Variants in WWOX observed in about 807,000 individuals in gnomAD.
WWOX encodes WW domain containing oxidoreductase, also known as WW domain-containing oxidoreductase.
WWOX carries 69 observed loss-of-function variants against 46.2 expected under a neutral mutation model. That is an observed-to-expected ratio of 1.49 (90% confidence interval 1.23 to 1.82). The LOEUF (loss-of-function observed/expected upper bound fraction) is 1.82. Among genes scored for constraint, WWOX ranks in the 40% most tolerant of loss-of-function variants. The pLI, the probability that WWOX is intolerant of heterozygous loss-of-function variation, is 0.00. For missense variants in WWOX, 919 were observed against 542.6 expected (o/e 1.69, Z -6.89); for synonymous variants, 359 against 202.6 (o/e 1.77, Z -6.56).
chr16:79,169,956 C>T (rs543532823), intron 8 of WWOX, among the ~76,000 whole-genome samples: 1 of 152,282 alleles, frequency 6.6e-6, no homozygotes, highest in East Asian at 1.9e-4. Flanking sequence ...GCAGAACTGG[C>T]TCTGTTGACC....
intron 8 of WWOX, among the ~76,000 whole-genome samples, chr16:78,439,360 T>C (rs1422380808): frequency 1.3e-5 from 2 of 152,186 alleles, no homozygotes; most frequent in African/African-American, 4.8e-5. Context: ...TTCCTGCAGT[T>C]GTCTGTCAAC....
At chr16:78,205,719 C>G (rs2036368195) in intron 5 of WWOX, among the ~76,000 whole-genome samples, 1 of 152,084 alleles carries the variant, frequency 6.6e-6, no homozygotes, top group African/African-American at 2.4e-5. Context: ...ATCCATGCAT[C>G]CTTCCTTCGT....
chr16:78,687,237 A>G (rs979235205), intron 8 of WWOX, among the ~76,000 whole-genome samples: 3 of 152,224 alleles, frequency 2.0e-5, no homozygotes, highest in Admixed American at 6.5e-5. Context: ...TGCTTTAAGT[A>G]GATATTGGAA....
rs187765143 is a variant in WWOX, at chr16:78,695,290, C to G, written c.1056+262538C>G. On this transcript the variant is annotated intron_variant, in intron 8 of 8. Transcript: ENST00000566780. The stretch of plus-strand genomic sequence containing the variant: ...ATCACATATTTTAGGTTGTGGGGAG[C>G]AAAGCAGCTTCCCCCCACTTTTTCT... 3.8e-4 allele frequency among the ~76,000 whole-genome samples: 58 copies of G among 152,134 alleles called. 1 individual carries two copies. The highest frequency in any genetic ancestry group is 1.3e-3 in the African/African-American group (56 of 41,524).
chr16:78,817,752 C>T (rs1012174253), intron 8 of WWOX, among the ~76,000 whole-genome samples: 2 of 152,152 alleles, frequency 1.3e-5, no homozygotes, highest in Non-Finnish European at 1.5e-5. Flanking sequence ...CCAGCCCTTT[C>T]TCTTCCCCTG....
At chr16:79,000,598 A>C (rs1470002973) in intron 8 of WWOX, among the ~76,000 whole-genome samples, 3 of 152,212 alleles carry the variant, frequency 2.0e-5, no homozygotes, top group African/African-American at 4.8e-5. Flanking sequence ...AGAAGCCAGA[A>C]GAGGCAAGGA....
chr16:78,618,087 C>T (rs2046072668), intron 8 of WWOX, among the ~76,000 whole-genome samples: 1 of 152,156 alleles, frequency 6.6e-6, no homozygotes, highest in East Asian at 1.9e-4. Flanking sequence ...CCTAAGAGGC[C>T]ATGACTGTCC....
intron 8 of WWOX, among the ~76,000 whole-genome samples, chr16:78,876,368 T>G (rs1201851882): frequency 1.3e-5 from 2 of 152,108 alleles, no homozygotes; most frequent in Non-Finnish European, 2.9e-5. Flanking sequence ...TTCTCTCCTT[T>G]CCTTTTGTGA....
In WWOX at chr16:79,101,960, C is replaced by T. The variant is rs184676348; in HGVS notation, c.1057-109648C>T. 1.3e-3 allele frequency among the ~76,000 whole-genome samples: 197 copies of T among 148,968 alleles called. 2 individuals carry two copies. The highest frequency in any genetic ancestry group is 2.8e-3 in the Admixed American group (42 of 14,854). ...AGCTAAACAATTCTGGAAGAGTTAC[C>T]TGAAGTTGACACTTAATTCAAGCTG... On this transcript the variant is annotated intron_variant, in intron 8 of 8. Transcript: ENST00000566780.
intron 8 of WWOX, among the ~76,000 whole-genome samples, chr16:78,829,145 CAGAT>C (rs1356817526): frequency 1.3e-5 from 2 of 151,264 alleles, no homozygotes; most frequent in East Asian, 1.9e-4. Context: ...GAGAGAGAGA[CAGAT>C]AGGCAGACAG....
At chr16:78,146,521 G>T (rs1363133392) in intron 4 of WWOX, among the ~76,000 whole-genome samples, 1 of 152,130 alleles carries the variant, frequency 6.6e-6, no homozygotes, top group African/African-American at 2.4e-5. Flanking sequence ...ACACAAGCAG[G>T]TGCCTGATCA....
intron 8 of WWOX, among the ~76,000 whole-genome samples, chr16:78,597,734 T>G (rs549159407): frequency 6.8e-6 from 1 of 147,852 alleles, no homozygotes; most frequent in South Asian, 2.2e-4. Flanking sequence ...TTAATGGGAA[T>G]CATAAATATG....
At chr16:78,785,983 C>T (rs145899671) in intron 8 of WWOX, among the ~76,000 whole-genome samples, 76 of 152,186 alleles carry the variant, frequency 5.0e-4, no homozygotes, top group East Asian at 1.5e-3. Flanking sequence ...CTCTGCTCAC[C>T]GCAACCTCCG....
chr16:78,756,956 T>C, intron 8 of WWOX: 1 of 703,038 alleles, frequency 1.4e-6, no homozygotes, highest in Non-Finnish European at 2.6e-6. Flanking sequence ...CCAGCTGCCA[T>C]GTTGGGAGGA....
intron 5 of WWOX, among the ~76,000 whole-genome samples, chr16:78,318,909 G>A (rs1190197708): frequency 6.6e-6 from 1 of 152,118 alleles, no homozygotes; most frequent in African/African-American, 2.4e-5. Flanking sequence ...TAAAATAATG[G>A]CCCTTATTAG....
At chr16:78,559,128 T>TA (rs2044374051) in intron 8 of WWOX, among the ~76,000 whole-genome samples, 1 of 152,166 alleles carries the variant, frequency 6.6e-6, no homozygotes, top group Non-Finnish European at 1.5e-5. Flanking sequence ...AGCTTGGAGA[T>TA]AGAGCTGACC....
chr16:78,436,717 G>C (rs1007768541), intron 8 of WWOX, among the ~76,000 whole-genome samples: 1 of 152,154 alleles, frequency 6.6e-6, no homozygotes, highest in Non-Finnish European at 1.5e-5. Flanking sequence ...TTAGGACTCT[G>C]TATTTAGGAG....
At chr16:78,661,745 G>T (rs2047218805) in intron 8 of WWOX, among the ~76,000 whole-genome samples, 1 of 152,166 alleles carries the variant, frequency 6.6e-6, no homozygotes, top group Admixed American at 6.5e-5. Flanking sequence ...TTTAATAATA[G>T]TAGTTAATAG....
chr16:79,207,550 A>G (rs2051557757), intron 8 of WWOX, among the ~76,000 whole-genome samples: 1 of 152,212 alleles, frequency 6.6e-6, no homozygotes, highest in Admixed American at 6.5e-5. Context: ...TAAGAAAGCA[A>G]TCTTAGAACA....
Sources: gnomAD v4.1 joint callset for allele counts (sites outside exome capture counted in the v4.1 genomes callset) on GRCh38, gnomAD v4.1.1 for gene constraint, MANE v1.5 for transcripts, NCBI Gene and HGNC (gene_info 2026-07-23, HGNC 2026-07-21) for gene names.